UNC79: variants seen among roughly 807,000 people sequenced by gnomAD.
The protein encoded by UNC79 is protein unc-79 homolog.
Under a neutral mutation model 283.1 loss-of-function variants are expected in UNC79, and 37 were observed. The ratio of observed to expected loss-of-function variants is 0.13; its 90% CI spans 0.10 to 0.17. The LOEUF (loss-of-function observed/expected upper bound fraction) is 0.17. UNC79 is among the 10% of genes least tolerant of loss of function. UNC79 has a pLI of 1.00. For missense variants in UNC79, 2,272 were observed against 3,211.1 expected (o/e 0.71, Z 7.07); for synonymous variants, 1,107 against 1,200.2 (o/e 0.92, Z 1.61).
At position 93,357,358 on chromosome 14, in the gene UNC79, G is replaced by T. The variant is rs1022321705; in HGVS notation, c.-351+23835G>T. Among the ~76,000 whole-genome samples, 9 of 152,184 alleles carry T rather than the reference G, an allele frequency of 5.9e-5. No homozygotes were observed. In the South Asian group the frequency reaches 1.4e-3, roughly 25 times the overall value. On this transcript the variant is annotated intron_variant, in intron 1 of 49. Coordinates refer to the UNC79 transcript ENST00000256339. Reference sequence around the variant, plus strand: ...CAAAGTATTGGTCCTGGGTGTGTCTGTGAGGGTGTTGCCAAAGGAGATTAA... The same window carrying T: ...CAAAGTATTGGTCCTGGGTGTGTCTTTGAGGGTGTTGCCAAAGGAGATTAA...
chr14:93,432,314 T>G (rs1432590801), intron 1 of UNC79, among the ~76,000 whole-genome samples: 2 of 152,254 alleles, frequency 1.3e-5, no homozygotes, highest in South Asian at 4.1e-4. Flanking sequence ...TACTTCTTTA[T>G]GTTTTTTTGG....
chr14:93,597,634 T>A, intron 24 of UNC79, 94 bp downstream of exon 24: 1 of 1,311,640 alleles, frequency 7.6e-7, no homozygotes, highest in Non-Finnish European at 1.0e-6. Context: ...CTGTTTGACC[T>A]GCTATAACAG....
chr14:93,515,632 A>G (rs1039517608), intron 7 of UNC79, among the ~76,000 whole-genome samples: 2 of 152,012 alleles, frequency 1.3e-5, no homozygotes, highest in Non-Finnish European at 2.9e-5. Flanking sequence ...CACTAATTTC[A>G]TATATTTATC....
intron 1 of UNC79, among the ~76,000 whole-genome samples, chr14:93,435,827 T>A (rs1221802351): frequency 6.6e-6 from 1 of 152,214 alleles, no homozygotes; most frequent in Non-Finnish European, 1.5e-5. Context: ...TTTTTTCAGT[T>A]CCTCCAATGC....
At chr14:93,541,072 C>T (rs1338979708) in intron 13 of UNC79, among the ~76,000 whole-genome samples, 1 of 152,170 alleles carries the variant, frequency 6.6e-6, no homozygotes, top group Admixed American at 6.5e-5. Flanking sequence ...TTTTAAAAAG[C>T]TCTTGGCCAT....
At chr14:93,702,489 A>G (rs776349494) in intron 47 of UNC79, among the ~76,000 whole-genome samples, 2 of 152,250 alleles carry the variant, frequency 1.3e-5, no homozygotes, top group Non-Finnish European at 2.9e-5. Context: ...ACAGAATGTT[A>G]AAAGTCAAAC....
chr14:93,494,873 G>A (rs2058944667), intron 5 of UNC79, among the ~76,000 whole-genome samples: 1 of 152,182 alleles, frequency 6.6e-6, no homozygotes, highest in Admixed American at 6.5e-5. Flanking sequence ...CACAATATCA[G>A]GGGGCTGAGA....
At chr14:93,647,078 T>C (rs1349882932) in intron 35 of UNC79, among the ~76,000 whole-genome samples, 2 of 152,226 alleles carry the variant, frequency 1.3e-5, no homozygotes, top group East Asian at 3.8e-4. Context: ...GGGCTTATAG[T>C]CTATCCATGA....
chr14:93,478,240 T>C (rs1211088343), intron 4 of UNC79, among the ~76,000 whole-genome samples: 1 of 152,172 alleles, frequency 6.6e-6, no homozygotes, highest in African/African-American at 2.4e-5. Flanking sequence ...ATCGTGATGA[T>C]AAAGTGACTC....
intron 23 of UNC79, 73 bp downstream of exon 23, chr14:93,593,910 G>A: frequency 6.9e-7 from 1 of 1,451,072 alleles, no homozygotes; most frequent in Non-Finnish European, 9.2e-7. Flanking sequence ...CATCTTTTTT[G>A]GCACCTCCTT....
At chr14:93,414,649 C>T (rs959705730) in intron 1 of UNC79, among the ~76,000 whole-genome samples, 2 of 152,066 alleles carry the variant, frequency 1.3e-5, no homozygotes, top group African/African-American at 4.8e-5. Context: ...ATTGATTCTT[C>T]CTACTCATGA....
At chr14:93,705,122 C>G (rs2075786404) in intron 48 of UNC79, among the ~76,000 whole-genome samples, 1 of 151,902 alleles carries the variant, frequency 6.6e-6, no homozygotes, top group Non-Finnish European at 1.5e-5. Context: ...GTGGTTCTAG[C>G]TACTTAGGAG....
intron 1 of UNC79, among the ~76,000 whole-genome samples, chr14:93,361,942 T>G (rs929243726): frequency 2.0e-5 from 3 of 152,210 alleles, no homozygotes; most frequent in Admixed American, 2.0e-4. Context: ...TTGAGTCTAT[T>G]GGGATGATCT....
At chr14:93,496,599 A>G (rs149411106) in intron 6 of UNC79, 133 bp downstream of exon 6, 41 of 512,450 alleles carry the variant, frequency 8.0e-5, no homozygotes, top group African/African-American at 5.0e-4. Context: ...GGCAGAACCT[A>G]TAATTCTTTC....
chr14:93,694,725 G>A (rs1262857912), intron 47 of UNC79, among the ~76,000 whole-genome samples: 13 of 151,922 alleles, frequency 8.6e-5, no homozygotes, highest in Admixed American at 8.5e-4. Flanking sequence ...AGACCAGCCT[G>A]GGCAATATAG....
intron 1 of UNC79, among the ~76,000 whole-genome samples, chr14:93,391,222 A>G (rs2054875272): frequency 1.3e-5 from 2 of 152,206 alleles, no homozygotes. Context: ...TTTCAATAAA[A>G]TGTATGGGAC....
At chr14:93,431,857 G>A (rs192456560) in intron 1 of UNC79, among the ~76,000 whole-genome samples, 7 of 152,286 alleles carry the variant, frequency 4.6e-5, no homozygotes, top group Admixed American at 4.6e-4. Context: ...ATTGCAGTGC[G>A]CACTAGTAGG....
intron 27 of UNC79, among the ~76,000 whole-genome samples, chr14:93,613,544 A>C (rs2139776618): frequency 6.6e-6 from 1 of 151,738 alleles, no homozygotes; most frequent in South Asian, 2.1e-4. Flanking sequence ...CCTCCCAAGT[A>C]GCTGGGACTA....
Position 93,627,547 on chromosome 14 carries a change from A to T in UNC79, c.5609-3254A>T, listed in dbSNP as rs149841728. ...CCTTGAAGCCTGGAAATATTCTGCC[A>T]TGGTGATGGCAGAGTCACAAAAGAA... is the stretch of plus-strand genomic sequence containing the variant. On this transcript the variant is annotated intron_variant, in intron 30 of 48. Coordinates refer to ENST00000555664, the Ensembl canonical transcript of UNC79. Among the ~76,000 whole-genome samples the T allele has an allele frequency of 4.9e-4, 74 of 152,312 alleles. 1 individual carries two copies. The Middle Eastern group carries it at 0.017, about 35-fold the overall frequency.
Sources: gnomAD v4.1 joint callset for allele counts (sites outside exome capture counted in the v4.1 genomes callset) on GRCh38, gnomAD v4.1.1 for gene constraint, MANE v1.5 for transcripts, NCBI Gene and HGNC (gene_info 2026-07-23, HGNC 2026-07-21) for gene names.